MARCHF8: variants seen among roughly 807,000 people sequenced by gnomAD.
MARCHF8 encodes E3 ubiquitin-protein ligase MARCHF8.
In MARCHF8, 40 loss-of-function variants were observed where a neutral mutation model predicts 51.6. That is an observed-to-expected ratio of 0.77 (90% CI 0.60 to 1.01). The LOEUF is 1.01. MARCHF8 is among the 50% of genes least tolerant of loss of function. The pLI is 0.00. For synonymous variants in MARCHF8, 263 were observed against 280.3 expected, an observed-to-expected ratio of 0.94 and a Z score of 0.62; for missense variants, 685 against 708.6, an observed-to-expected ratio of 0.97 and a Z score of 0.38.
intron 1 of MARCHF8, among the ~76,000 whole-genome samples, chr10:45,591,037 C>T (rs2044674891): frequency 6.6e-6 from 1 of 152,176 alleles, no homozygotes; most frequent in South Asian, 2.1e-4. Flanking sequence ...TGTAATTCTC[C>T]CCACCCTTGA....
intron 1 of MARCHF8, among the ~76,000 whole-genome samples, chr10:45,540,734 C>A (rs1032618225): frequency 6.6e-6 from 1 of 152,050 alleles, no homozygotes; most frequent in Non-Finnish European, 1.5e-5. Context: ...AAAAAACAAA[C>A]AACCCCATCA....
chr10:45,525,350 T>C (rs2043773352), intron 2 of MARCHF8, among the ~76,000 whole-genome samples: 2 of 152,234 alleles, frequency 1.3e-5, no homozygotes, highest in Admixed American at 1.3e-4. Flanking sequence ...TAAATATAAG[T>C]TGATCATTGA....
chr10:45,498,597 T>C (rs986782663), intron 2 of MARCHF8, among the ~76,000 whole-genome samples: 5 of 152,062 alleles, frequency 3.3e-5, no homozygotes, highest in African/African-American at 1.2e-4. Flanking sequence ...TGACTCAGCC[T>C]CCCAAGTAGC....
At chr10:45,487,999 C>T (rs547212772) in intron 3 of MARCHF8, among the ~76,000 whole-genome samples, 8 of 152,078 alleles carry the variant, frequency 5.3e-5, no homozygotes, top group South Asian at 2.1e-4. Flanking sequence ...AACTGTATGG[C>T]GAAGGGGTTG....
intron 2 of MARCHF8, among the ~76,000 whole-genome samples, chr10:45,494,989 A>T (rs35488254): frequency 6.6e-6 from 1 of 152,064 alleles, no homozygotes; most frequent in Non-Finnish European, 1.5e-5. Flanking sequence ...GCGTGGTGGC[A>T]CATGCCTGTA....
In MARCHF8 at chr10:45,566,375, AT is replaced by A. The variant is rs200472847; in HGVS notation, c.-79+27859del. Among the ~76,000 whole-genome samples, 169 of 151,176 alleles carry A rather than the reference AT, an allele frequency of 1.1e-3. 3 individuals are homozygous for A. In the East Asian group the frequency reaches 0.028, roughly 25 times the overall value. ...TCAAACAGTAAGTCTTATCCATTCTATTTTTTTTTGTACCCATTAACAATCC... is the reference window on the plus strand; with the variant it reads ...TCAAACAGTAAGTCTTATCCATTCTATTTTTTTTGTACCCATTAACAATCC... On this transcript the variant is annotated intron_variant, in intron 1 of 6. Coordinates refer to the MARCHF8 transcript ENST00000319836.
rs554462721 is a variant in MARCHF8 at position 45,491,720 on chromosome 10, A to T, written c.103-2303T>A. Among the ~76,000 whole-genome samples, 14 of 152,358 alleles carry T rather than the reference A, an allele frequency of 9.2e-5. No homozygotes were observed. The East Asian group carries it at 2.7e-3, about 29-fold the overall frequency. ...GGGCACTGCTGTGAGTCCCAATTTT[A>T]AGGCCAAGCTACTGGTGACTTACTA... On this transcript the variant is annotated intron_variant, in intron 2 of 7. Coordinates refer to ENST00000453424, the MANE Select transcript of MARCHF8 (RefSeq NM_001282866.2).
chr10:45,583,624 C>T (rs985389632), intron 1 of MARCHF8, among the ~76,000 whole-genome samples: 10 of 151,950 alleles, frequency 6.6e-5, no homozygotes, highest in East Asian at 1.9e-4. Context: ...TAAAAGAATG[C>T]GGATCTGTAT....
At chr10:45,579,948 G>A (rs1340624578) in intron 1 of MARCHF8, among the ~76,000 whole-genome samples, 3 of 142,018 alleles carry the variant, frequency 2.1e-5, no homozygotes, top group Non-Finnish European at 4.5e-5. Context: ...GGGAGGCGGA[G>A]GTTGCAGTGA....
chr10:45,583,059 TA>T (rs1268382796), intron 1 of MARCHF8, among the ~76,000 whole-genome samples: 1 of 152,194 alleles, frequency 6.6e-6, no homozygotes, highest in African/African-American at 2.4e-5. Flanking sequence ...AACAGTGGAA[TA>T]AAATGTTTAG....
At chr10:45,584,516 A>T (rs1232200057) in intron 1 of MARCHF8, among the ~76,000 whole-genome samples, 2 of 152,180 alleles carry the variant, frequency 1.3e-5, no homozygotes, top group Non-Finnish European at 2.9e-5. Flanking sequence ...AGGACATGGA[A>T]CAAGAACTCC....
At chr10:45,503,569 A>AAATAAATAAATAAATAAAT (rs1358394777) in intron 2 of MARCHF8, among the ~76,000 whole-genome samples, 1 of 148,330 alleles carries the variant, frequency 6.7e-6, no homozygotes, top group Non-Finnish European at 1.5e-5. Context: ...ATAAATAAAT[A>AAATAAATAAATAAATAAAT]AAATAAAAAC....
At chr10:45,461,060 G>C in intron 6 of MARCHF8, 171 bp downstream of exon 6, 1 of 442,364 alleles carries the variant, frequency 2.3e-6, no homozygotes, top group Admixed American at 4.3e-5. Flanking sequence ...TGAGAAGAGG[G>C]ACTTGAAAAT....
chr10:45,496,583 CTCCTT>C (rs1589121152), intron 2 of MARCHF8, among the ~76,000 whole-genome samples: 1 of 152,096 alleles, frequency 6.6e-6, no homozygotes, highest in Non-Finnish European at 1.5e-5. Context: ...ATATAATGCT[CTCCTT>C]TCCTTTATGT....
intron 6 of MARCHF8, 49 bp from the exon 7 acceptor site, chr10:45,459,316 C>T (rs938837898): frequency 6.3e-7 from 1 of 1,598,808 alleles, no homozygotes; most frequent in Non-Finnish European, 8.5e-7. Context: ...GGGAAGGGCT[C>T]CGGTGGGGTG....
intron 3 of MARCHF8, among the ~76,000 whole-genome samples, chr10:45,467,183 T>C (rs1423720306): frequency 6.6e-6 from 1 of 152,204 alleles, no homozygotes; most frequent in Non-Finnish European, 1.5e-5. Flanking sequence ...ATGAAAACAT[T>C]ACAGGATACT....
At chr10:45,510,712 A>G (rs2043482857) in intron 2 of MARCHF8, among the ~76,000 whole-genome samples, 1 of 152,188 alleles carries the variant, frequency 6.6e-6, no homozygotes, top group Non-Finnish European at 1.5e-5. Context: ...CATTGTGGCA[A>G]TAATGAAGTT....
intron 1 of MARCHF8, among the ~76,000 whole-genome samples, chr10:45,587,657 G>A (rs1216026612): frequency 6.6e-6 from 1 of 152,074 alleles, no homozygotes; most frequent in African/African-American, 2.4e-5. Context: ...CAAAGTTGGA[G>A]GATTTACACT....
At chr10:45,462,770 C>A (rs1305688029) in intron 5 of MARCHF8, among the ~76,000 whole-genome samples, 1 of 151,948 alleles carries the variant, frequency 6.6e-6, no homozygotes, top group African/African-American at 2.4e-5. Flanking sequence ...GGATTACAGG[C>A]GCCCGCCACC....
Sources: gnomAD v4.1 joint callset for allele counts (sites outside exome capture counted in the v4.1 genomes callset) on GRCh38, gnomAD v4.1.1 for gene constraint, MANE v1.5 for transcripts, NCBI Gene and HGNC (gene_info 2026-07-23, HGNC 2026-07-21) for gene names.